GZMB: variants seen among roughly 807,000 people sequenced by gnomAD.
GZMB encodes the protein granzyme B.
Under a neutral mutation model 24.2 loss-of-function variants are expected in GZMB, and 27 were observed. The observed-to-expected ratio is 1.12, with a 90% CI of 0.82 to 1.54. The LOEUF (loss-of-function observed/expected upper bound fraction) is 1.54, where lower values mean the gene tolerates loss of function less well. GZMB is among the 40% of genes most tolerant of loss of function. The pLI is 0.00. For synonymous variants in GZMB, 121 were observed against 115.1 expected, an observed-to-expected ratio of 1.05 and a Z score of -0.33; for missense variants, 336 against 310.1, an observed-to-expected ratio of 1.08 and a Z score of -0.63.
intron 4 of GZMB, 77 bp downstream of exon 4, chr14:24,631,776 CCACTA>C (rs1289159691): frequency 7.2e-6 from 8 of 1,115,480 alleles, no homozygotes; most frequent in Non-Finnish European, 1.1e-5. Flanking sequence ...AAGGAGTCCC[CCACTA>C]CTTGAGTCTC....
chr14:24,631,248 C>T (rs777315248), intron 4 of GZMB, 34 bp from the exon 5 acceptor site: 63 of 1,597,640 alleles, frequency 3.9e-5, no homozygotes, highest in Non-Finnish European at 5.2e-5. Flanking sequence ...TGAGCTGATG[C>T]TCCTCCGGGT....
In GZMB at chr14:24,632,000, A is replaced by G. The variant is rs1221141918; in HGVS notation, c.458T>C (p.Leu153Pro). The change falls in exon 4 of 5, where the codon CTG becomes CCG. Residue 153 changes from leucine (L) to proline (P), a missense_variant. By Grantham distance (98) the Leu-to-Pro change is moderately conservative. Transcript: ENST00000216341. ...TTGTAGTGTGTGTGAGTGTTTTCCC[A>G]GGGGGGCCGTCTGCCCCCAGCCGGC... ...SVAGWGQTAPLGKHSHTLQEV... is the reference protein window; with the variant it reads ...SVAGWGQTAPPGKHSHTLQEV... The G allele has an allele frequency of 3.1e-6, 5 of 1,613,988 alleles. No homozygotes were observed. In the East Asian group the frequency reaches 6.7e-5, roughly 22 times the overall value.
chr14:24,631,868 G>T lies in GZMB; in HGVS notation c.590C>A (p.Thr197Asn), dbSNP rs138802681. ...GGTGCATAGTCTTACCTTAAAGGAA[G>T]TCTTTTTAATCTCTGGGTCCCCCAC... ...LCVGDPEIKK[T>N]SFKGDSGGPL... is the part of the protein sequence containing the mutation. The change falls in exon 4 of 5, where the codon ACT becomes AAT. Residue 197 changes from threonine (T) to asparagine (N), a missense_variant. Coordinates refer to ENST00000216341, the MANE Select transcript of GZMB (RefSeq NM_004131.6). 6.2e-7 allele frequency: 1 copy of T among 1,613,790 alleles called. No individual in the cohort carries two copies. The highest frequency in any genetic ancestry group is 1.3e-5 in the African/African-American group (1 of 75,048).
In GZMB at chr14:24,631,960, T is replaced by A. The variant is rs1231699172; in HGVS notation, c.498A>T (p.Thr166=). 1 of 1,614,240 alleles carries A rather than the reference T, an allele frequency of 6.2e-7. No homozygotes were observed. The highest frequency in any genetic ancestry group is 1.7e-5 in the Admixed American group (1 of 60,036). The change falls in exon 4 of 5, where the codon ACA becomes ACT. Residue 166 remains threonine (T), a synonymous_variant. Transcript: ENST00000216341. ...HSHTLQEVKM[T]VQEDRKCESD... ...ATTCGCACTTTCGATCTTCCTGCAC[T>A]GTCATCTTCACCTCTTGTAGTGTGT...
Position 24,631,031 on chromosome 14 carries a change from G to A in GZMB, c.*40C>T, listed in dbSNP as rs770401311. The A allele has an allele frequency of 4.0e-6, 6 of 1,517,246 alleles. No individual in the cohort carries two copies. Among genetic ancestry groups the A allele is most frequent in the Non-Finnish European group, 5.5e-6 (6 of 1,093,412 alleles). 94.0% of individuals were successfully genotyped at this position (1,517,246 alleles called of 1,614,324 possible). On this transcript the variant is annotated 3_prime_UTR_variant, in exon 5 of 5. Transcript: ENST00000216341. ...TAAATCTGGACTTGGCTCCAGAGAA[G>A]GTGTTTCATTACAGCGGGGGCTTAG...
chr14:24,631,485 G>A (rs1325039192), intron 4 of GZMB: 1 of 549,680 alleles, frequency 1.8e-6, no homozygotes, highest in Non-Finnish European at 3.2e-6. Flanking sequence ...GGACCCAGAA[G>A]TGGGCAAGGA....
rs765525690 is a variant in GZMB at position 24,634,101 on chromosome 14, C to T, written c.55+5G>A. On this transcript the variant is annotated splice_donor_5th_base_variant and intron_variant, in intron 1 of 4. Transcript: ENST00000216341. ...GGGCCCCCGAGGGTGGAGACGGTCA[C>T]TCACCTGCATCTGCCCTGGGCAGCA... 8 of 1,590,938 alleles carry T rather than the reference C, an allele frequency of 5.0e-6. No homozygotes were observed. The highest frequency in any genetic ancestry group is 5.1e-6 in the Non-Finnish European group (6 of 1,169,884).
chr14:24,632,576 G>T, intron 2 of GZMB, 117 bp from the exon 3 acceptor site: 2 of 1,515,368 alleles, frequency 1.3e-6, no homozygotes, highest in Non-Finnish European at 1.8e-6. Flanking sequence ...TAAGGGGACA[G>T]TCGGTCCCCA....
In GZMB at chr14:24,632,956, T is replaced by C; in HGVS notation, c.162A>G (p.Ile54Met). The C allele has an allele frequency of 2.5e-6, 4 of 1,613,800 alleles. No homozygotes were observed. The highest frequency in any genetic ancestry group is 3.4e-6 in the Non-Finnish European group (4 of 1,179,858). ...CAGCTGTCAGCACGAAGTCGTCTCG[T>C]ATCAGGAAGCCACCGCACCTCTTCA... Reference protein sequence around the residue: ...KSLKRCGGFLIRDDFVLTAAH... With the variant: ...KSLKRCGGFLMRDDFVLTAAH... Residue 54 changes from isoleucine (I) to methionine (M), a missense_variant, in exon 2 of 5, where the codon ATA becomes ATG. Physicochemically the swap from Ile to Met is conservative, Grantham distance 10. Coordinates refer to ENST00000216341, the MANE Select transcript of GZMB (RefSeq NM_004131.6).
chr14:24,632,033 C>A lies in GZMB; in HGVS notation c.425G>T (p.Cys142Phe). The change falls in exon 4 of 5, where the codon TGC (cysteine) becomes TTC (phenylalanine). Residue 142 changes from cysteine to phenylalanine, a missense_variant. Cys to Phe is a radical substitution (Grantham distance 205). Coordinates refer to ENST00000216341, the MANE Select transcript of GZMB (RefSeq NM_004131.6). Reference protein sequence around the residue: ...NKAQVKPGQTCSVAGWGQTAP... With the variant: ...NKAQVKPGQTFSVAGWGQTAP... ...CGTCTGCCCCCAGCCGGCCACACTG[C>A]ATGTCTGCCCTGGCTTCACCTGGGC... 1.2e-6 allele frequency: 2 copies of A among 1,614,228 alleles called. No individual in the cohort carries two copies. The highest frequency in any genetic ancestry group is 1.7e-6 in the Non-Finnish European group (2 of 1,180,030).
In GZMB at chr14:24,632,960, A is replaced by C; in HGVS notation, c.158T>G (p.Leu53Arg). 6.2e-7 allele frequency: 1 copy of C among 1,613,856 alleles called. No homozygotes were observed. The change falls in exon 2 of 5, where the codon CTG becomes CGG. Residue 53 changes from leucine to arginine, a missense_variant. Transcript: ENST00000216341. ...TGTCAGCACGAAGTCGTCTCGTATC[A>C]GGAAGCCACCGCACCTCTTCAGAGA... ...QKSLKRCGGF[L>R]IRDDFVLTAA...
At chr14:24,631,565 G>T in intron 4 of GZMB, 1 of 556,818 alleles carries the variant, frequency 1.8e-6, no homozygotes. Context: ...GACACACCTG[G>T]TTATAATTAC....
rs1215833587 is a variant in GZMB at position 24,632,017 on chromosome 14, C to T, written c.441G>A (p.Trp147Ter). The T allele has an allele frequency of 8.1e-6, 13 of 1,614,202 alleles. No individual in the cohort carries two copies. Among genetic ancestry groups the T allele is most frequent in the Non-Finnish European group, 1.1e-5 (13 of 1,180,028 alleles). ...GTTTTCCCAGGGGGGCCGTCTGCCCCCAGCCGGCCACACTGCATGTCTGCC... is the reference window on the plus strand; with the variant it reads ...GTTTTCCCAGGGGGGCCGTCTGCCCTCAGCCGGCCACACTGCATGTCTGCC... ...KPGQTCSVAG[W>*]GQTAPLGKHS... Residue 147 changes from tryptophan (W) to a stop codon, truncating the protein, a stop_gained, in exon 4 of 5, where the codon TGG becomes TGA. Coordinates refer to ENST00000216341, the MANE Select transcript of GZMB (RefSeq NM_004131.6). LOFTEE classifies it high-confidence loss of function.
In GZMB at chr14:24,632,362, T is replaced by C. The variant is rs1408713485; in HGVS notation, c.301A>G (p.Asn101Asp). 6.2e-7 allele frequency: 1 copy of C among 1,611,422 alleles called. No homozygotes were observed. ...ATGTCGTTGGAGAAGTTCTTAGGAT[T>C]ATAGGCTGGATGGGGGATGGGTCTT... is the stretch of plus-strand genomic sequence containing the variant. ...VKRPIPHPAY[N>D]PKNFSNDIML... is the part of the protein sequence containing the mutation. The change falls in exon 3 of 5, where the codon AAT becomes GAT. Residue 101 changes from asparagine to aspartate, a missense_variant. Transcript: ENST00000216341.
chr14:24,633,029 T>C lies in GZMB; in HGVS notation c.89A>G (p.His30Arg), dbSNP rs923986255. Residue 30 changes from histidine (H) to arginine (R), a missense_variant, in exon 2 of 5, where the codon CAC becomes CGC. Physicochemically the swap from His to Arg is conservative, Grantham distance 29. Transcript: ENST00000216341. Reference protein sequence around the residue: ...EIIGGHEAKPHSRPYMAYLMI... With the variant: ...EIIGGHEAKPRSRPYMAYLMI... ...AAGATAAGCCATGTAGGGGCGGGAG[T>C]GGGGCTTGGCCTCATGTCCCCCGAT... The C allele has an allele frequency of 1.2e-6, 2 of 1,612,818 alleles. No individual in the cohort carries two copies. The highest frequency in any genetic ancestry group is 1.3e-5 in the African/African-American group (1 of 74,790).
At position 24,632,946 on chromosome 14, in the gene GZMB, A is replaced by C; in HGVS notation, c.172T>G (p.Phe58Val). 1 of 1,613,520 alleles carries C rather than the reference A, an allele frequency of 6.2e-7. No homozygotes were observed. Among genetic ancestry groups the C allele is most frequent in the South Asian group, 1.1e-5 (1 of 90,988 alleles). ...CAACAGTGAGCAGCTGTCAGCACGA[A>C]GTCGTCTCGTATCAGGAAGCCACCG... ...RCGGFLIRDD[F>V]VLTAAHCWGS... The change falls in exon 2 of 5, where the codon TTC (phenylalanine) becomes GTC (valine). Residue 58 changes from phenylalanine (F) to valine (V), a missense_variant. Coordinates refer to ENST00000216341, the MANE Select transcript of GZMB (RefSeq NM_004131.6).
intron 4 of GZMB, 27 bp from the exon 5 acceptor site, chr14:24,631,241 G>A (rs768264909): frequency 1.9e-6 from 3 of 1,604,510 alleles, no homozygotes; most frequent in Non-Finnish European, 1.7e-6. Context: ...GAAGGACTGA[G>A]CTGATGCTCC....
Position 24,632,042 on chromosome 14 carries a change from C to T in GZMB, c.416G>A (p.Gly139Glu). The T allele has an allele frequency of 6.2e-7, 1 of 1,614,204 alleles. No homozygotes were observed. ...LPSNKAQVKP[G>E]QTCSVAGWGQ... ...CCAGCCGGCCACACTGCATGTCTGC[C>T]CTGGCTTCACCTGGGCCTTGTTGCT... The change falls in exon 4 of 5, where the codon GGG becomes GAG. Residue 139 changes from glycine to glutamate, a missense_variant. Physicochemically the swap from Gly to Glu is moderately conservative, Grantham distance 98 (BLOSUM62 -2). Coordinates refer to ENST00000216341, the MANE Select transcript of GZMB (RefSeq NM_004131.6).
Position 24,631,068 on chromosome 14 carries a change from T to C in GZMB, c.*3A>G, listed in dbSNP as rs748605454. ...CAGCGGGGGCTTAGTTTGCTTCCTGTAGTTAGTAGCGTTTCATGGTTTTCT... is the reference window on the plus strand; with the variant it reads ...CAGCGGGGGCTTAGTTTGCTTCCTGCAGTTAGTAGCGTTTCATGGTTTTCT... On this transcript the variant is annotated 3_prime_UTR_variant, in exon 5 of 5. Transcript: ENST00000216341. 5.0e-6 allele frequency: 8 copies of C among 1,611,890 alleles called. No homozygotes were observed. In the Admixed American group the frequency reaches 1.0e-4, roughly 20 times the overall value.
Sources: gnomAD v4.1 joint callset for allele counts on GRCh38, gnomAD v4.1.1 for gene constraint, MANE v1.5 for transcripts, NCBI Gene and HGNC (gene_info 2026-07-23, HGNC 2026-07-21) for gene names.